RYR2: variants seen among roughly 807,000 people sequenced by gnomAD.
RYR2 encodes the protein cardiac muscle ryanodine receptor-calcium release channel.
RYR2 carries 227 observed loss-of-function variants against 601.1 expected under a neutral mutation model. The ratio of observed to expected loss-of-function variants is 0.38; its 90% CI spans 0.34 to 0.42. The LOEUF (loss-of-function observed/expected upper bound fraction) is 0.42. Ranked by LOEUF, RYR2 falls within the 10% of genes least tolerant of loss-of-function variation. RYR2 has a pLI of 1.00. For synonymous variants in RYR2, 2,223 were observed against 2,175.1 expected (o/e 1.02, Z -0.61); for missense variants, 4,646 against 6,156.5 (o/e 0.75, Z 8.21).
At chr1:237,616,392 A>C (rs1285392169) in intron 37 of RYR2, among the ~76,000 whole-genome samples, 2 of 152,190 alleles carry the variant, frequency 1.3e-5, no homozygotes, top group Non-Finnish European at 2.9e-5. Flanking sequence ...CTAATCACTG[A>C]ATGAATGAGC....
chr1:237,064,530 C>T lies in RYR2; in HGVS notation c.48+21961C>T, dbSNP rs1663284007. 2.0e-5 allele frequency among the ~76,000 whole-genome samples: 3 copies of T among 151,972 alleles called. No homozygotes were observed. The South Asian group carries it at 6.2e-4, about 31-fold the overall frequency. On this transcript the variant is annotated intron_variant, in intron 1 of 104. Transcript: ENST00000366574. ...AAATGGTATTTTTAAATGTATTGGACATAATGTAAGAAAAGATATAGAGGT... is the reference window on the plus strand; with the variant it reads ...AAATGGTATTTTTAAATGTATTGGATATAATGTAAGAAAAGATATAGAGGT...
intron 1 of RYR2, among the ~76,000 whole-genome samples, chr1:237,226,042 G>A (rs1249363975): frequency 1.3e-5 from 2 of 148,420 alleles, no homozygotes; most frequent in Non-Finnish European, 3.0e-5. Context: ...GTGACAGAAT[G>A]AGACTCCATC....
intron 73 of RYR2, 120 bp from the exon 74 acceptor site, chr1:237,723,008 T>A: frequency 2.5e-6 from 2 of 806,966 alleles, no homozygotes; most frequent in Non-Finnish European, 3.9e-6. Flanking sequence ...CGTCATGTCT[T>A]AACTGGTAAA....
At chr1:237,112,348 AGG>A (rs1333971826) in intron 1 of RYR2, among the ~76,000 whole-genome samples, 1 of 152,120 alleles carries the variant, frequency 6.6e-6, no homozygotes, top group Non-Finnish European at 1.5e-5. Flanking sequence ...TCCTGACCTC[AGG>A]TGATCCGCCC....
chr1:237,658,723 C>G (rs940840555), intron 54 of RYR2, among the ~76,000 whole-genome samples: 1 of 152,120 alleles, frequency 6.6e-6, no homozygotes. Context: ...AGTTCTATAT[C>G]AGATAAAATC....
intron 2 of RYR2, among the ~76,000 whole-genome samples, chr1:237,307,895 G>A (rs1401131571): frequency 6.7e-6 from 1 of 149,206 alleles, no homozygotes; most frequent in African/African-American, 2.5e-5. Flanking sequence ...TATTATCAGA[G>A]GCATTCGAGC....
At chr1:237,585,634 T>C (rs2148403357) in intron 29 of RYR2, among the ~76,000 whole-genome samples, 1 of 152,336 alleles carries the variant, frequency 6.6e-6, no homozygotes, top group Admixed American at 6.5e-5. Flanking sequence ...GAAATATTGG[T>C]TGTTTTGTTA....
intron 27 of RYR2, among the ~76,000 whole-genome samples, chr1:237,564,234 G>A (rs2148223148): frequency 6.6e-6 from 1 of 152,192 alleles, no homozygotes; most frequent in African/African-American, 2.4e-5. Flanking sequence ...TGACTTTCCT[G>A]TTTGTTTAGT....
In RYR2 at chr1:237,377,225, C is replaced by T. The variant is rs139414435; in HGVS notation, c.464-98C>T. On this transcript the variant is annotated intron_variant, in intron 7 of 104. Transcript: ENST00000366574. ...GTAAGAGATTAATTTGCATTAATTC[C>T]GGATTTCTGAAAGTTGTGTGTTGGG... The T allele has an allele frequency of 1.2e-3, 922 of 769,822 alleles. 9 individuals are homozygous for T. The African/African-American group carries it at 0.014, about 12-fold the overall frequency. 47.7% of individuals were successfully genotyped at this position (769,822 alleles called of 1,614,324 possible).
intron 1 of RYR2, among the ~76,000 whole-genome samples, chr1:237,250,521 A>T (rs1483395284): frequency 6.6e-6 from 1 of 152,132 alleles, no homozygotes; most frequent in Non-Finnish European, 1.5e-5. Flanking sequence ...CTCGTGTCTA[A>T]TCTCAAGTGT....
chr1:237,700,886 CAA>C (rs1177827329), intron 65 of RYR2, among the ~76,000 whole-genome samples: 1 of 152,202 alleles, frequency 6.6e-6, no homozygotes, highest in Non-Finnish European at 1.5e-5. Context: ...ACGACTGAGA[CAA>C]AGTCTGTGTC....
chr1:237,082,749 T>A (rs1213115771), intron 1 of RYR2, among the ~76,000 whole-genome samples: 1 of 151,784 alleles, frequency 6.6e-6, no homozygotes, highest in African/African-American at 2.4e-5. Context: ...ACCCTGCTAG[T>A]GTTAAGATTC....
chr1:237,544,114 T>G (rs1242436485), intron 25 of RYR2, among the ~76,000 whole-genome samples: 2 of 152,198 alleles, frequency 1.3e-5, no homozygotes, highest in African/African-American at 4.8e-5. Flanking sequence ...TTTATTTTAT[T>G]AAATTATGTA....
At chr1:237,352,496 A>G (rs780453926) in intron 3 of RYR2, among the ~76,000 whole-genome samples, 5 of 152,148 alleles carry the variant, frequency 3.3e-5, no homozygotes, top group Non-Finnish European at 5.9e-5. Flanking sequence ...GGGAGGCTCA[A>G]TATTACAAAG....
At chr1:237,140,706 G>A (rs144136265) in intron 1 of RYR2, among the ~76,000 whole-genome samples, 1 of 152,162 alleles carries the variant, frequency 6.6e-6, no homozygotes, top group Non-Finnish European at 1.5e-5. Flanking sequence ...GACCATATTT[G>A]TTCCTGGGGA....
intron 62 of RYR2, among the ~76,000 whole-genome samples, chr1:237,683,064 G>C (rs577483224): frequency 6.6e-6 from 1 of 152,256 alleles, no homozygotes; most frequent in Non-Finnish European, 1.5e-5. Flanking sequence ...TGCTCAAATA[G>C]TATTAACTTT....
chr1:237,806,031 C>A, intron 98 of RYR2, 106 bp from the exon 99 acceptor site: 1 of 940,188 alleles, frequency 1.1e-6, no homozygotes, highest in Non-Finnish European at 1.6e-6. Flanking sequence ...TGAGTGAGAA[C>A]ATGTAGAGTT....
chr1:237,574,562 C>A (rs6689392), intron 29 of RYR2, among the ~76,000 whole-genome samples: 35,435 of 152,002 alleles, frequency 0.23, 4,426 homozygotes, highest in South Asian at 0.38. Flanking sequence ...CCAGATGAGC[C>A]CTTAGGGATT....
chr1:237,471,852 A>G (rs1660762576), intron 17 of RYR2, among the ~76,000 whole-genome samples: 1 of 152,200 alleles, frequency 6.6e-6, no homozygotes, highest in Non-Finnish European at 1.5e-5. Context: ...AAGTCAAGGG[A>G]AAGAAGGACC....
Sources: gnomAD v4.1 joint callset for allele counts (sites outside exome capture counted in the v4.1 genomes callset) on GRCh38, gnomAD v4.1.1 for gene constraint, MANE v1.5 for transcripts, NCBI Gene and HGNC (gene_info 2026-07-23, HGNC 2026-07-21) for gene names.